PHTF2: variants seen among roughly 807,000 people sequenced by gnomAD.
The protein encoded by PHTF2 is putative homeodomain transcription factor 2.
In PHTF2, 60 loss-of-function variants were observed where a neutral mutation model predicts 101.2. The ratio of observed to expected loss-of-function variants is 0.59; its 90% confidence interval spans 0.48 to 0.73. PHTF2 has a LOEUF of 0.73. Ranked by LOEUF, PHTF2 falls within the 30% of genes least tolerant of loss-of-function variation. The pLI, the probability that PHTF2 is intolerant of heterozygous loss-of-function variation, is 0.00. For synonymous variants in PHTF2, 311 were observed against 307.3 expected (o/e 1.01, Z -0.13); for missense variants, 747 against 908.7 (o/e 0.82, Z 2.29).
intron 12 of PHTF2, among the ~76,000 whole-genome samples, chr7:77,936,898 A>G (rs1025521624): frequency 6.6e-6 from 1 of 151,918 alleles, no homozygotes; most frequent in Non-Finnish European, 1.5e-5. Flanking sequence ...TAATCCCAGC[A>G]CTTTGGGAGG....
At chr7:77,868,774 T>C (rs1798284469) in intron 3 of PHTF2, among the ~76,000 whole-genome samples, 1 of 152,216 alleles carries the variant, frequency 6.6e-6, no homozygotes, top group African/African-American at 2.4e-5. Context: ...CTTCTGTGTT[T>C]TAAAAACTAT....
intron 3 of PHTF2, among the ~76,000 whole-genome samples, chr7:77,856,915 CTT>C (rs1413317104): frequency 6.6e-6 from 1 of 152,080 alleles, no homozygotes; most frequent in Non-Finnish European, 1.5e-5. Context: ...TGAGGGATGA[CTT>C]TATCACTCTT....
chr7:77,876,647 C>T (rs1414607490), intron 3 of PHTF2, among the ~76,000 whole-genome samples: 1 of 152,092 alleles, frequency 6.6e-6, no homozygotes, highest in Non-Finnish European at 1.5e-5. Context: ...AATCGCAGCA[C>T]TTTGGGAGGG....
At chr7:77,905,520 C>CAGTTGT (rs1211109392) in intron 7 of PHTF2, among the ~76,000 whole-genome samples, 1 of 148,514 alleles carries the variant, frequency 6.7e-6, no homozygotes, top group Non-Finnish European at 1.5e-5. Context: ...TTGTCAGCCA[C>CAGTTGT]CACAGTTTCT....
intron 15 of PHTF2, among the ~76,000 whole-genome samples, chr7:77,941,695 C>T (rs1025570757): frequency 2.0e-5 from 3 of 152,170 alleles, no homozygotes; most frequent in African/African-American, 7.2e-5. Context: ...ATTTGCTTCT[C>T]TTTGTTCCAT....
At chr7:77,869,892 T>G (rs1343574510) in intron 3 of PHTF2, among the ~76,000 whole-genome samples, 1 of 152,202 alleles carries the variant, frequency 6.6e-6, no homozygotes, top group African/African-American at 2.4e-5. Flanking sequence ...TGTCTTCTTT[T>G]GAGAAATATC....
chr7:77,921,689 A>G (rs977104128), intron 10 of PHTF2, among the ~76,000 whole-genome samples: 4 of 152,190 alleles, frequency 2.6e-5, no homozygotes, highest in African/African-American at 7.2e-5. Flanking sequence ...TTTCAGTCAT[A>G]TGCTTTCAAA....
chr7:77,802,662 G>T (rs1367230473), intron 1 of PHTF2, among the ~76,000 whole-genome samples: 1 of 152,202 alleles, frequency 6.6e-6, no homozygotes, highest in Non-Finnish European at 1.5e-5. Context: ...AGCCTCCTGA[G>T]TAGCTAGACC....
At chr7:77,917,151 T>C (rs1166335680) in intron 9 of PHTF2, among the ~76,000 whole-genome samples, 1 of 152,208 alleles carries the variant, frequency 6.6e-6, no homozygotes, top group African/African-American at 2.4e-5. Context: ...TTTATTGTCA[T>C]TTATTTTGAT....
chr7:77,856,158 T>C (rs1044621391), intron 3 of PHTF2, among the ~76,000 whole-genome samples: 2 of 152,118 alleles, frequency 1.3e-5, no homozygotes, highest in African/African-American at 4.8e-5. Context: ...GCTGAGGCAT[T>C]GATTGAGTCC....
At chr7:77,908,647 G>A (rs848494) in intron 7 of PHTF2, 146 bp from the exon 7 acceptor site, 379,382 of 509,924 alleles carry the variant, frequency 0.74, 141,694 homozygotes, top group East Asian at 0.82. Context: ...AACAGTCTGA[G>A]AGAGCTTGTC....
chr7:77,888,932 G>C (rs1214736990), intron 3 of PHTF2, among the ~76,000 whole-genome samples: 1 of 152,090 alleles, frequency 6.6e-6, no homozygotes, highest in African/African-American at 2.4e-5. Flanking sequence ...TTCGTGTTTA[G>C]AGGTAAAATG....
intron 3 of PHTF2, among the ~76,000 whole-genome samples, chr7:77,876,974 A>G (rs1192105866): frequency 6.6e-6 from 1 of 152,214 alleles, no homozygotes; most frequent in Non-Finnish European, 1.5e-5. Context: ...TAAAAGCTTT[A>G]ACACTTGGGA....
chr7:77,844,524 T>C (rs1391840572), intron 2 of PHTF2, among the ~76,000 whole-genome samples: 9 of 152,324 alleles, frequency 5.9e-5, no homozygotes, highest in Non-Finnish European at 1.5e-5. Context: ...TAAGTTATTC[T>C]TTTGTTTTGT....
intron 3 of PHTF2, among the ~76,000 whole-genome samples, chr7:77,877,395 G>A (rs1186523058): frequency 2.0e-5 from 3 of 152,096 alleles, no homozygotes; most frequent in Admixed American, 1.3e-4. Flanking sequence ...GAGCCACCAC[G>A]CCTGGCCAAT....
chr7:77,899,799 T>C (rs1801218244), intron 5 of PHTF2, among the ~76,000 whole-genome samples: 1 of 152,204 alleles, frequency 6.6e-6, no homozygotes, highest in Non-Finnish European at 1.5e-5. Context: ...CTTAATTGAA[T>C]GAATAAAAAC....
At chr7:77,888,781 C>A (rs1195153426) in intron 3 of PHTF2, among the ~76,000 whole-genome samples, 1 of 151,974 alleles carries the variant, frequency 6.6e-6, no homozygotes, top group African/African-American at 2.4e-5. Context: ...TTGTTAAAAA[C>A]CACCTGTCAA....
chr7:77,802,490 G>A (rs1488357134), intron 1 of PHTF2, among the ~76,000 whole-genome samples: 2 of 152,190 alleles, frequency 1.3e-5, no homozygotes, highest in Non-Finnish European at 1.5e-5. Context: ...ACTCCCCTTT[G>A]CATATATTTT....
intron 1 of PHTF2, among the ~76,000 whole-genome samples, chr7:77,820,092 T>C (rs1254583097): frequency 1.3e-5 from 2 of 152,152 alleles, no homozygotes; most frequent in Non-Finnish European, 2.9e-5. Flanking sequence ...TTTCGCCATG[T>C]TGGTCAGGCT....
Sources: gnomAD v4.1 joint callset for allele counts (sites outside exome capture counted in the v4.1 genomes callset) on GRCh38, gnomAD v4.1.1 for gene constraint, MANE v1.5 for transcripts, NCBI Gene and HGNC (gene_info 2026-07-23, HGNC 2026-07-21) for gene names.